Variants in CDH12 observed in about 807,000 individuals in gnomAD.
CDH12 encodes cadherin-12.
A neutral mutation model predicts 74.1 loss-of-function variants in CDH12; 41 were observed. That is an observed-to-expected ratio of 0.55 (90% CI 0.43 to 0.72). CDH12 has a LOEUF of 0.72. Ranked by LOEUF, CDH12 falls within the 30% of genes least tolerant of loss-of-function variation. The pLI is 0.00. For synonymous variants in CDH12, 399 were observed against 355.0 expected, an observed-to-expected ratio of 1.12 and a Z score of -1.39; for missense variants, 945 against 977.2, an observed-to-expected ratio of 0.97 and a Z score of 0.44.
At chr5:22,354,101 G>C (rs183466527) in intron 3 of CDH12, among the ~76,000 whole-genome samples, 1 of 152,290 alleles carries the variant, frequency 6.6e-6, no homozygotes, top group Admixed American at 6.5e-5. Context: ...AGTGGCCTAT[G>C]TTCTTGAGTT....
At chr5:21,765,128 G>T in intron 11 of CDH12, 29 bp from the exon 12 acceptor site, 1 of 1,475,412 alleles carries the variant, frequency 6.8e-7, no homozygotes, top group South Asian at 1.5e-5. Flanking sequence ...GATAAAAGAT[G>T]ATTACAAAAT....
At chr5:21,823,020 T>C (rs956446540) in intron 8 of CDH12, among the ~76,000 whole-genome samples, 2 of 152,120 alleles carry the variant, frequency 1.3e-5, no homozygotes, top group African/African-American at 4.8e-5. Context: ...TTTTCCGGTA[T>C]CTCAGATTAT....
At chr5:21,878,609 G>T (rs1275126322) in intron 6 of CDH12, among the ~76,000 whole-genome samples, 1 of 151,184 alleles carries the variant, frequency 6.6e-6, no homozygotes, top group East Asian at 1.9e-4. Flanking sequence ...CAGGCATGGT[G>T]GCATGGCCTG....
chr5:22,591,830 T>C (rs1301957904), intron 1 of CDH12, among the ~76,000 whole-genome samples: 1 of 152,208 alleles, frequency 6.6e-6, no homozygotes, highest in Non-Finnish European at 1.5e-5. Flanking sequence ...TTTAAAACTG[T>C]ATGTTGGCAT....
intron 1 of CDH12, among the ~76,000 whole-genome samples, chr5:22,571,395 T>C (rs1187975845): frequency 6.6e-6 from 1 of 152,146 alleles, no homozygotes; most frequent in African/African-American, 2.4e-5. Flanking sequence ...GGTGTGATCT[T>C]GGCTCACTGC....
intron 9 of CDH12, among the ~76,000 whole-genome samples, chr5:21,811,709 CT>C (rs371359584): frequency 6.5e-5 from 9 of 139,126 alleles, no homozygotes; most frequent in African/African-American, 1.3e-4. Flanking sequence ...ATAGGACAAG[CT>C]TTTTTTTTTT....
chr5:22,767,772 T>C (rs1746598236), intron 1 of CDH12, among the ~76,000 whole-genome samples: 1 of 151,984 alleles, frequency 6.6e-6, no homozygotes, highest in Non-Finnish European at 1.5e-5. Context: ...AGGGCAATGA[T>C]AATCAACTAT....
At chr5:21,814,018 G>A (rs976313947) in intron 9 of CDH12, among the ~76,000 whole-genome samples, 3 of 152,078 alleles carry the variant, frequency 2.0e-5, no homozygotes, top group African/African-American at 7.2e-5. Context: ...CTGGAAAACA[G>A]TGGCTGCTTC....
chr5:22,183,220 C>T (rs548223932), intron 4 of CDH12, among the ~76,000 whole-genome samples: 12 of 150,190 alleles, frequency 8.0e-5, no homozygotes, highest in Non-Finnish European at 1.2e-4. Flanking sequence ...AAAAACCAAG[C>T]GAAGTGAGAG....
intron 3 of CDH12, among the ~76,000 whole-genome samples, chr5:22,372,512 G>T (rs958654493): frequency 6.6e-6 from 1 of 152,126 alleles, no homozygotes; most frequent in South Asian, 2.1e-4. Flanking sequence ...TTCCAGAGGG[G>T]ACACTCATGC....
chr5:21,962,587 C>T (rs1470526322), intron 6 of CDH12, among the ~76,000 whole-genome samples: 1 of 151,990 alleles, frequency 6.6e-6, no homozygotes, highest in Non-Finnish European at 1.5e-5. Context: ...TGCTTCTTTG[C>T]ATAACTTGTA....
intron 2 of CDH12, among the ~76,000 whole-genome samples, chr5:22,442,952 G>A (rs1034164476): frequency 1.3e-5 from 2 of 151,114 alleles, no homozygotes; most frequent in East Asian, 1.9e-4. Context: ...GTGTAGATGA[G>A]ACAACACATT....
At chr5:21,983,299 T>G (rs2963518) in intron 5 of CDH12, among the ~76,000 whole-genome samples, 32,586 of 151,996 alleles carry the variant, frequency 0.21, 4,836 homozygotes, top group African/African-American at 0.42. Context: ...AATTTATACA[T>G]TTGCATCTGA....
chr5:22,013,212 G>A (rs1416176575), intron 5 of CDH12, among the ~76,000 whole-genome samples: 1 of 152,182 alleles, frequency 6.6e-6, no homozygotes. Context: ...AGTTGAAAGG[G>A]AAGCAAGGAA....
intron 8 of CDH12, among the ~76,000 whole-genome samples, chr5:21,828,668 G>A (rs759947376): frequency 1.3e-5 from 2 of 151,792 alleles, no homozygotes; most frequent in African/African-American, 2.4e-5. Flanking sequence ...TGGACACAAT[G>A]GTTTACATTT....
intron 3 of CDH12, among the ~76,000 whole-genome samples, chr5:22,333,049 A>T (rs1034197744): frequency 1.3e-5 from 2 of 152,172 alleles, no homozygotes; most frequent in Non-Finnish European, 2.9e-5. Flanking sequence ...TACAATAACA[A>T]ATACATGGAA....
chr5:22,845,262 C>T (rs550834205), intron 1 of CDH12, among the ~76,000 whole-genome samples: 17 of 152,224 alleles, frequency 1.1e-4, no homozygotes, highest in African/African-American at 4.1e-4. Flanking sequence ...ACACTAATAA[C>T]ATCACCAGCT....
intron 4 of CDH12, chr5:22,141,479 T>C (rs1260877475): frequency 6.6e-6 from 1 of 152,068 alleles, no homozygotes; most frequent in Non-Finnish European, 1.5e-5. Context: ...GGAAGGTGTG[T>C]GGAGTAAAAG....
At chr5:21,802,636 GGCTGGA>G (rs1349743936) in intron 9 of CDH12, among the ~76,000 whole-genome samples, 1 of 126,278 alleles carries the variant, frequency 7.9e-6, no homozygotes, top group Non-Finnish European at 1.6e-5. Flanking sequence ...CTCTCTCCCA[GGCTGGA>G]GCTCAGTGGT....
Sources: allele counts gnomAD v4.1 joint callset (sites outside exome capture counted in the v4.1 genomes callset), GRCh38; gene constraint gnomAD v4.1.1; transcripts MANE v1.5; gene names NCBI Gene and HGNC (gene_info 2026-07-23, HGNC 2026-07-21).